The following MLLT10 variants were observed in gnomAD, a reference collection of about 807,000 sequenced individuals.
MLLT10 encodes protein AF-10.
A neutral mutation model predicts 129.1 loss-of-function variants in MLLT10; 30 were observed. The observed-to-expected ratio is 0.23, with a 90% CI of 0.17 to 0.32. The LOEUF is 0.32. MLLT10 is among the 10% of genes least tolerant of loss of function. The probability of loss-of-function intolerance (pLI) is 1.00; values close to 1 mark genes in which losing one functional copy is unlikely to be tolerated. For missense variants in MLLT10, 1,119 were observed against 1,268.3 expected (o/e 0.88, Z 1.79); for synonymous variants, 490 against 446.4 (o/e 1.10, Z -1.23).
chr10:21,559,353 C>T (rs1253538278), intron 3 of MLLT10, among the ~76,000 whole-genome samples: 1 of 152,192 alleles, frequency 6.6e-6, no homozygotes, highest in Non-Finnish European at 1.5e-5. Context: ...GCTGGGATTA[C>T]AGGCATGAGC....
At chr10:21,718,935 G>T (rs1228615765) in intron 14 of MLLT10, among the ~76,000 whole-genome samples, 1 of 152,172 alleles carries the variant, frequency 6.6e-6, no homozygotes, top group African/African-American at 2.4e-5. Context: ...TGTTGGCCAG[G>T]CTGGTCTCGA....
intron 4 of MLLT10, among the ~76,000 whole-genome samples, chr10:21,593,225 G>T (rs529766574): frequency 6.6e-6 from 1 of 152,030 alleles, no homozygotes; most frequent in African/African-American, 2.4e-5. Flanking sequence ...CTCCTGAGTA[G>T]CTGGGACTAT....
At chr10:21,690,623 C>G (rs962426735) in intron 13 of MLLT10, among the ~76,000 whole-genome samples, 2 of 151,872 alleles carry the variant, frequency 1.3e-5, no homozygotes, top group Admixed American at 1.3e-4. Flanking sequence ...GAAGTGATCT[C>G]TTTCCTCTCC....
intron 4 of MLLT10, among the ~76,000 whole-genome samples, 165 bp downstream of exon 4, chr10:21,586,513 A>G (rs767049961): frequency 3.4e-4 from 52 of 152,168 alleles, no homozygotes; most frequent in Admixed American, 5.2e-4. Flanking sequence ...TTGACCCACA[A>G]TTTTTCTACT....
At chr10:21,703,166 A>G (rs185608736) in intron 13 of MLLT10, among the ~76,000 whole-genome samples, 87 of 152,006 alleles carry the variant, frequency 5.7e-4, no homozygotes, top group African/African-American at 2.1e-3. Context: ...TCCCTTGAGC[A>G]TTTCGTGTAG....
chr10:21,730,422 T>C (rs1329347026), intron 16 of MLLT10, among the ~76,000 whole-genome samples: 1 of 152,214 alleles, frequency 6.6e-6, no homozygotes, highest in Non-Finnish European at 1.5e-5. Context: ...CTTAAAAATT[T>C]CTTTTTAGTG....
intron 3 of MLLT10, among the ~76,000 whole-genome samples, chr10:21,560,224 C>T (rs1201284380): frequency 1.3e-5 from 2 of 152,086 alleles, no homozygotes; most frequent in Non-Finnish European, 2.9e-5. Flanking sequence ...AGGCTGGTCT[C>T]GAACTCTCTA....
intron 9 of MLLT10, among the ~76,000 whole-genome samples, chr10:21,653,725 G>A (rs2049280142): frequency 6.6e-6 from 1 of 152,170 alleles, no homozygotes; most frequent in African/African-American, 2.4e-5. Context: ...AGATACGTTG[G>A]CGTTGAGATG....
At chr10:21,707,014 G>T (rs1259619030) in intron 13 of MLLT10, among the ~76,000 whole-genome samples, 1 of 151,930 alleles carries the variant, frequency 6.6e-6, no homozygotes, top group Non-Finnish European at 1.5e-5. Context: ...ACCCATCCTT[G>T]AAATGTTGGA....
Position 21,537,094 on chromosome 10 carries a change from C to T in MLLT10, c.161-1739C>T, listed in dbSNP as rs184593789. Among the ~76,000 whole-genome samples, 145 of 152,058 alleles carry T rather than the reference C, an allele frequency of 9.5e-4. 1 individual carries two copies. Among genetic ancestry groups the T allele is most frequent in the Non-Finnish European group, 1.0e-3 (71 of 67,976 alleles). ...TGAGTCATTGCACCTGGCCTGGTCT[C>T]GAACTTTTGAGCTCAAGGGATCTGC... is the stretch of plus-strand genomic sequence containing the variant. On this transcript the variant is annotated intron_variant, in intron 2 of 22. Coordinates refer to ENST00000307729, the MANE Select transcript of MLLT10 (RefSeq NM_001195626.3).
At chr10:21,727,825 C>T in intron 15 of MLLT10, 31 bp from the exon 16 acceptor site, 2 of 1,581,302 alleles carry the variant, frequency 1.3e-6, no homozygotes, top group Non-Finnish European at 1.7e-6. Flanking sequence ...GTGAGAGTCA[C>T]TTTATCAGCT....
intron 3 of MLLT10, among the ~76,000 whole-genome samples, chr10:21,540,153 G>C (rs2034871021): frequency 6.6e-6 from 1 of 152,090 alleles, no homozygotes; most frequent in East Asian, 1.9e-4. Context: ...CACTTTGGTA[G>C]GCTGAGGTGG....
chr10:21,693,026 CTG>C, intron 13 of MLLT10, among the ~76,000 whole-genome samples: 1 of 152,120 alleles, frequency 6.6e-6, no homozygotes. Flanking sequence ...AAAAAAATCA[CTG>C]TGTAGTATGT....
chr10:21,690,139 CAGAA>C lies in MLLT10; in HGVS notation c.1699+7886_1699+7889del, dbSNP rs566932038. ...GGCTGAAAAATGTGGGTAGAGAAGA[CAGAA>C]AGAGGTTGAATCAGGTTTATTTTAA... On this transcript the variant is annotated intron_variant, in intron 13 of 22. Transcript: ENST00000307729. Among the ~76,000 whole-genome samples, 9 of 151,950 alleles carry C rather than the reference CAGAA, an allele frequency of 5.9e-5. No homozygotes were observed. The East Asian group carries it at 1.7e-3, about 29-fold the overall frequency.
At chr10:21,664,517 G>A (rs1452733116) in intron 9 of MLLT10, among the ~76,000 whole-genome samples, 3 of 151,814 alleles carry the variant, frequency 2.0e-5, no homozygotes, top group African/African-American at 2.4e-5. Flanking sequence ...GGATGGTCGC[G>A]ATCTCTTGAC....
chr10:21,681,796 T>A (rs1312194113), intron 12 of MLLT10, among the ~76,000 whole-genome samples: 1 of 152,166 alleles, frequency 6.6e-6, no homozygotes, highest in East Asian at 1.9e-4. Flanking sequence ...TGAGAATATT[T>A]GATAGGGTTA....
At chr10:21,647,021 A>C (rs570932833) in intron 8 of MLLT10, among the ~76,000 whole-genome samples, 1 of 152,042 alleles carries the variant, frequency 6.6e-6, no homozygotes, top group South Asian at 2.1e-4. Context: ...ACGCCCGACT[A>C]ATCTTTTGTA....
chr10:21,551,316 T>TA (rs1554785853), intron 3 of MLLT10, among the ~76,000 whole-genome samples: 12 of 144,822 alleles, frequency 8.3e-5, no homozygotes, highest in Non-Finnish European at 1.1e-4. Context: ...TTTTTTTTTT[T>TA]ACATAACACA....
intron 3 of MLLT10, chr10:21,556,664 T>C (rs760665746): frequency 6.2e-7 from 1 of 1,612,054 alleles, no homozygotes; most frequent in South Asian, 1.1e-5. Flanking sequence ...TTCCTGTTGG[T>C]TAGCCTCATC....
Sources: gnomAD v4.1 joint callset for allele counts (sites outside exome capture counted in the v4.1 genomes callset) on GRCh38, gnomAD v4.1.1 for gene constraint, MANE v1.5 for transcripts, NCBI Gene and HGNC (gene_info 2026-07-23, HGNC 2026-07-21) for gene names.